Variants in ACE observed in about 807,000 individuals in gnomAD.
ACE encodes angiotensin I converting enzyme.
Under a neutral mutation model 162.3 loss-of-function variants are expected in ACE, and 122 were observed. The ratio of observed to expected loss-of-function variants is 0.75; its 90% CI spans 0.65 to 0.87. The LOEUF (loss-of-function observed/expected upper bound fraction) is 0.87, where lower values mean the gene tolerates loss of function less well. Ranked by LOEUF, ACE falls within the 40% of genes least tolerant of loss-of-function variation. ACE has a pLI of 0.00. For synonymous variants in ACE, 796 were observed against 720.6 expected, an observed-to-expected ratio of 1.10 and a Z score of -1.68; for missense variants, 1,799 against 1,735.1, an observed-to-expected ratio of 1.04 and a Z score of -0.65.
Position 63,484,308 on chromosome 17 carries a change from T to C in ACE, c.1710-22T>C. 6.2e-7 allele frequency: 1 copy of C among 1,604,612 alleles called. No individual in the cohort carries two copies. Among genetic ancestry groups the C allele is most frequent in the Admixed American group, 1.7e-5 (1 of 59,446 alleles). On this transcript the variant is annotated intron_variant, in intron 11 of 24. Coordinates refer to ENST00000290866, the MANE Select transcript of ACE (RefSeq NM_000789.4). This position sits in a 1 kb window ranked among gnomAD's most constrained non-coding sequence, Gnocchi z 4.0. ...CTCCAGCCTGAGTCCCCTGTGCCCA[T>C]GGTACCCACTCTGCCCACCAGGAAG...
chr17:63,484,650 T>C lies in ACE; in HGVS notation c.1921+109T>C. 16 of 1,455,516 alleles carry C rather than the reference T, an allele frequency of 1.1e-5. No individual in the cohort carries two copies. Among genetic ancestry groups the C allele is most frequent in the Non-Finnish European group, 1.5e-5 (16 of 1,097,226 alleles). The allele number at this position is 1,455,516 out of a possible 1,614,324, so 90.2% of individuals were successfully genotyped here. On this transcript the variant is annotated intron_variant, in intron 12 of 24. Coordinates refer to ENST00000290866, the MANE Select transcript of ACE (RefSeq NM_000789.4). The surrounding 1 kb of genome is among the most constrained non-coding windows in gnomAD (Gnocchi z 4.0). ...TCCTACCAGCTGAGCCCTGGTACCC[T>C]GTCCTGGAGGGCCAGGCAGCCCCCC...
At chr17:63,481,505 C>T in intron 6 of ACE, 61 bp from the exon 7 acceptor site, 4 of 1,586,458 alleles carry the variant, frequency 2.5e-6, no homozygotes, top group Non-Finnish European at 3.4e-6. Context: ...GGGACCCCAG[C>T]CCTGTCCCCA....
chr17:63,496,709 C>T (rs1261941538), intron 23 of ACE, 89 bp from the exon 24 acceptor site: 1 of 1,591,946 alleles, frequency 6.3e-7, no homozygotes, highest in Non-Finnish European at 8.6e-7. Context: ...CAAGTTTCAG[C>T]TGGGAGTGGG....
At chr17:63,494,575 C>T in intron 22 of ACE, 105 bp downstream of exon 22, 2 of 1,075,388 alleles carry the variant, frequency 1.9e-6, no homozygotes, top group Non-Finnish European at 2.8e-6. Context: ...TCAGGGCAGA[C>T]CCGGGGGAGC....
Position 63,480,421 on chromosome 17 carries a change from T to C in ACE, c.740T>C (p.Leu247Pro), listed in dbSNP as rs1469557705. 8 of 1,614,084 alleles carry C rather than the reference T, an allele frequency of 5.0e-6. No individual in the cohort carries two copies. The highest frequency in any genetic ancestry group is 6.8e-6 in the Non-Finnish European group (8 of 1,180,026). The change falls in exon 5 of 25, where the codon CTA (leucine) becomes CCA (proline). Residue 247 changes from leucine to proline, a missense_variant. Leu to Pro is a moderately conservative substitution (Grantham distance 98). Coordinates refer to ENST00000290866, the MANE Select transcript of ACE (RefSeq NM_000789.4). ...GATCTGGAACACCTCTACCAACAGC[T>C]AGAGCCCCTCTACCTGAACCTCCAT... ...EDDLEHLYQQ[L>P]EPLYLNLHAF...
chr17:63,496,259 A>T, intron 22 of ACE, 135 bp from the exon 23 acceptor site: 1 of 1,326,624 alleles, frequency 7.5e-7, no homozygotes, highest in Admixed American at 1.7e-5. Flanking sequence ...CTGTGGGCAG[A>T]GTTGGGGGGC....
rs773596097 is a variant in ACE at position 63,496,880 on chromosome 17, G to A, written c.3586G>A (p.Ala1196Thr). 1 of 1,613,638 alleles carries A rather than the reference G, an allele frequency of 6.2e-7. No homozygotes were observed. Among genetic ancestry groups the A allele is most frequent in the Non-Finnish European group, 8.5e-7 (1 of 1,180,024 alleles). Residue 1196 changes from alanine (A) to threonine (T), a missense_variant, in exon 24 of 25, where the codon GCC becomes ACC. Physicochemically the swap from Ala to Thr is moderately conservative, Grantham distance 58 (BLOSUM62 0). Coordinates refer to ENST00000290866, the MANE Select transcript of ACE (RefSeq NM_000789.4). ...GGGCCAGCCCAACATGAGCGCCTCGGCCATGTTGAGCTACTTCAAGCCGCT... is the reference window on the plus strand; with the variant it reads ...GGGCCAGCCCAACATGAGCGCCTCGACCATGTTGAGCTACTTCAAGCCGCT... ...ITGQPNMSAS[A>T]MLSYFKPLLD...
chr17:63,483,730 T>G (rs528944214), intron 10 of ACE, 119 bp from the exon 11 acceptor site: 1 of 1,555,680 alleles, frequency 6.4e-7, no homozygotes, highest in South Asian at 1.1e-5. Flanking sequence ...GTCTCCCTTC[T>G]CCCCCAAGAT....
intron 13 of ACE, chr17:63,485,796 A>C: frequency 4.2e-6 from 1 of 236,024 alleles, no homozygotes; most frequent in Non-Finnish European, 8.3e-6. Flanking sequence ...AAAAAAACTC[A>C]ATTTCAGATT....
chr17:63,482,173 C>G (rs191783388), intron 7 of ACE, among the ~76,000 whole-genome samples: 1 of 151,960 alleles, frequency 6.6e-6, no homozygotes, highest in Non-Finnish European at 1.5e-5. Flanking sequence ...TGATGGCGGG[C>G]GCCTGTAATC....
intron 21 of ACE, 74 bp downstream of exon 21, chr17:63,494,140 G>A: frequency 6.3e-7 from 1 of 1,591,560 alleles, no homozygotes; most frequent in Non-Finnish European, 8.6e-7. Context: ...GTGTCTGGAT[G>A]GGCCAGGGTA....
chr17:63,487,218 G>T (rs963006865), intron 15 of ACE, 145 bp downstream of exon 15: 2 of 724,058 alleles, frequency 2.8e-6, no homozygotes, highest in African/African-American at 1.7e-5. Context: ...TTTTCCACGA[G>T]GGGGGCTTCT....
At position 63,496,431 on chromosome 17, in the gene ACE, G is replaced by C; in HGVS notation, c.3418G>C (p.Glu1140Gln). 6.2e-7 allele frequency: 1 copy of C among 1,614,200 alleles called. No individual in the cohort carries two copies. The highest frequency in any genetic ancestry group is 8.5e-7 in the Non-Finnish European group (1 of 1,180,032). ...CTTCATCATCCAGTTCCAGTTCCACGAGGCACTGTGCCAGGCAGCTGGCCA... is the reference window on the plus strand; with the variant it reads ...CTTCATCATCCAGTTCCAGTTCCACCAGGCACTGTGCCAGGCAGCTGGCCA... ...VSFIIQFQFH[E>Q]ALCQAAGHTG... is the part of the protein sequence containing the mutation. Residue 1140 changes from glutamate to glutamine, a missense_variant, in exon 23 of 25, where the codon GAG (glutamate) becomes CAG (glutamine). Glu to Gln is a conservative substitution (Grantham distance 29). Coordinates refer to ENST00000290866, the MANE Select transcript of ACE (RefSeq NM_000789.4).
rs1174938065 is a variant in ACE, at chr17:63,496,526, C to T, written c.3503+10C>T. 3 of 1,613,954 alleles carry T rather than the reference C, an allele frequency of 1.9e-6. No individual in the cohort carries two copies. Among genetic ancestry groups the T allele is most frequent in the Non-Finnish European group, 2.5e-6 (3 of 1,180,040 alleles). On this transcript the variant is annotated intron_variant, in intron 23 of 24. Coordinates refer to ENST00000290866, the MANE Select transcript of ACE (RefSeq NM_000789.4). ...CCGGGCAGCGCCTGGCGTGAGTGTC[C>T]TCCAGCCCTCCTTTGTTTCCATGCT...
At chr17:63,493,193 C>G (rs1599153855) in intron 19 of ACE, among the ~76,000 whole-genome samples, 1 of 152,302 alleles carries the variant, frequency 6.6e-6, no homozygotes, top group Non-Finnish European at 1.5e-5. Context: ...GGGCTGGAGT[C>G]ATTCAGGAAA....
chr17:63,483,567 G>GCGGGGGGGGGCGCCCCCCC lies in ACE; in HGVS notation c.1586+10_1586+11insGGGGGGGGGCGCCCCCCCC. On this transcript the variant is annotated intron_variant, in intron 10 of 24. Coordinates refer to ENST00000290866, the MANE Select transcript of ACE (RefSeq NM_000789.4). The stretch of plus-strand genomic sequence containing the variant: ...GTGACACCATACATCAGGTATTAGC[G>GCGGGGGGGGGCGCCCCCCC]CCCCCACCCCACCCACCCCCAGTAC... 1 of 1,589,582 alleles carries GCGGGGGGGGGCGCCCCCCC rather than the reference G, an allele frequency of 6.3e-7. No individual in the cohort carries two copies. The highest frequency in any genetic ancestry group is 8.6e-7 in the Non-Finnish European group (1 of 1,165,688).
intron 19 of ACE, among the ~76,000 whole-genome samples, chr17:63,492,264 A>C (rs1230603173): frequency 1.3e-5 from 2 of 152,250 alleles, no homozygotes; most frequent in African/African-American, 4.8e-5. Flanking sequence ...GGCTAGGTCC[A>C]AAACTGGCCC....
At chr17:63,478,397 G>C (rs1263185936) in intron 2 of ACE, 2 of 426,516 alleles carry the variant, frequency 4.7e-6, no homozygotes, top group African/African-American at 4.0e-5. Context: ...TGGGCGTGGT[G>C]GCTCAAGCCT....
intron 21 of ACE, 81 bp from the exon 22 acceptor site, chr17:63,494,291 G>A (rs2030589543): frequency 2.2e-6 from 3 of 1,392,390 alleles, no homozygotes; most frequent in Admixed American, 3.6e-5. Flanking sequence ...CAAGTGCAGG[G>A]ACCCTCCCTC....
Sources: allele counts gnomAD v4.1 joint callset (sites outside exome capture counted in the v4.1 genomes callset), GRCh38; gene constraint gnomAD v4.1.1; non-coding constraint Gnocchi (gnomAD v3.1); transcripts MANE v1.5; gene names NCBI Gene and HGNC (gene_info 2026-07-23, HGNC 2026-07-21).